CIBAR1: variants seen among roughly 807,000 people sequenced by gnomAD.
CIBAR1 encodes the protein CBY1-interacting BAR domain-containing protein 1.
Under a neutral mutation model 44.0 loss-of-function variants are expected in CIBAR1, and 25 were observed. The observed-to-expected ratio is 0.57, with a 90% CI of 0.41 to 0.79. CIBAR1 has a LOEUF of 0.79. CIBAR1 is among the 30% of genes least tolerant of loss of function. The pLI, the probability that CIBAR1 is intolerant of heterozygous loss-of-function variation, is 0.00. For missense variants in CIBAR1, 278 were observed against 344.8 expected (o/e 0.81, Z 1.53); for synonymous variants, 115 against 119.0 (o/e 0.97, Z 0.22).
chr8:93,728,127 A>T, intron 8 of CIBAR1, 78 bp from the exon 9 acceptor site: 1 of 793,780 alleles, frequency 1.3e-6, no homozygotes, highest in Non-Finnish European at 1.9e-6. Context: ...GCCCTTTAAT[A>T]GCATAAAAAT....
intron 2 of CIBAR1, chr8:93,702,550 A>ACAAAAAGGTAGGC: frequency 2.2e-6 from 1 of 455,958 alleles, no homozygotes; most frequent in Non-Finnish European, 4.4e-6. Flanking sequence ...AAAGGTAGGC[A>ACAAAAAGGTAGGC]ACAAAAAGGA....
chr8:93,722,837 T>A (rs1311945708), intron 7 of CIBAR1, among the ~76,000 whole-genome samples: 1 of 152,244 alleles, frequency 6.6e-6, no homozygotes, highest in African/African-American at 2.4e-5. Context: ...AAAATGTTAA[T>A]TGTAATAAAT....
rs1280728504 is a variant in CIBAR1, at chr8:93,730,176, A to G, written c.*1879A>G. The G allele has an allele frequency of 2.0e-5, 3 of 152,248 alleles. No individual in the cohort carries two copies. Among genetic ancestry groups the G allele is most frequent in the Non-Finnish European group, 2.9e-5 (2 of 68,032 alleles). The allele number at this position is 152,248 out of a possible 1,614,324, so 9.4% of individuals were successfully genotyped here. On this transcript the variant is annotated 3_prime_UTR_variant, in exon 9 of 9. Transcript: ENST00000518322. ...GAATTAAATGATAGTTAATTCATAC[A>G]TAATTATACATCATATAGTATCTAA...
chr8:93,723,417 A>G (rs1207264052), intron 7 of CIBAR1, among the ~76,000 whole-genome samples: 1 of 152,110 alleles, frequency 6.6e-6, no homozygotes, highest in Non-Finnish European at 1.5e-5. Flanking sequence ...TTAAAACACA[A>G]GTCTCACCTC....
At chr8:93,726,714 A>G in intron 8 of CIBAR1, 1 of 570,132 alleles carries the variant, frequency 1.8e-6, no homozygotes, top group Non-Finnish European at 3.0e-6. Flanking sequence ...GTAATTACAT[A>G]TTACTCTCTA....
rs1398509971 is a variant in CIBAR1 at position 93,731,297 on chromosome 8, C to G, written c.*3000C>G. ...CGTTAAGCTTCATCTTAGCTTTATTCCTTTGTATCTGAGAAGCATTTTTTA... is the reference window on the plus strand; with the variant it reads ...CGTTAAGCTTCATCTTAGCTTTATTGCTTTGTATCTGAGAAGCATTTTTTA... On this transcript the variant is annotated 3_prime_UTR_variant, in exon 9 of 9. Coordinates refer to ENST00000518322, the MANE Select transcript of CIBAR1 (RefSeq NM_145269.5). 1.3e-5 allele frequency: 2 copies of G among 152,170 alleles called. No homozygotes were observed. Among genetic ancestry groups the G allele is most frequent in the East Asian group, 3.8e-4 (2 of 5,206 alleles). 9.4% of individuals were successfully genotyped at this position (152,170 alleles called of 1,614,324 possible).
chr8:93,720,388 A>G (rs904972082), intron 7 of CIBAR1, among the ~76,000 whole-genome samples: 1 of 152,186 alleles, frequency 6.6e-6, no homozygotes, highest in Non-Finnish European at 1.5e-5. Context: ...GGTTAAAGAG[A>G]ATGAAGAAAG....
rs1810737541 is a variant in CIBAR1 at position 93,709,564 on chromosome 8, A to G, written c.439-207A>G. 4 of 470,400 alleles carry G rather than the reference A, an allele frequency of 8.5e-6. No homozygotes were observed. The East Asian group carries it at 1.1e-4, about 14-fold the overall frequency. The allele number at this position is 470,400 out of a possible 1,614,324, so 29.1% of individuals were successfully genotyped here. On this transcript the variant is annotated intron_variant, in intron 5 of 8. Coordinates refer to ENST00000518322, the MANE Select transcript of CIBAR1 (RefSeq NM_145269.5). ...TTTGTTCTTAGGGTTTTTTTTCTAG[A>G]TCATGAATCATATCACTAAATAAAG...
intron 6 of CIBAR1, among the ~76,000 whole-genome samples, chr8:93,712,375 T>C (rs2130325634): frequency 6.6e-6 from 1 of 152,352 alleles, no homozygotes; most frequent in East Asian, 1.9e-4. Flanking sequence ...GTAGGATGTA[T>C]CAGTACTTCA....
At chr8:93,701,039 A>G (rs1810324651) in intron 1 of CIBAR1, 185 bp from the exon 2 acceptor site, 1 of 1,446,658 alleles carries the variant, frequency 6.9e-7, no homozygotes, top group Non-Finnish European at 9.1e-7. Flanking sequence ...TCCTGTGCCT[A>G]CACAGTCCGG....
At chr8:93,717,578 A>G (rs1424386239) in intron 6 of CIBAR1, among the ~76,000 whole-genome samples, 2 of 152,096 alleles carry the variant, frequency 1.3e-5, no homozygotes, top group African/African-American at 4.8e-5. Flanking sequence ...TTTTCCAATC[A>G]TCTAGGAAGA....
chr8:93,712,747 G>A (rs186625524), intron 6 of CIBAR1, among the ~76,000 whole-genome samples: 2 of 150,180 alleles, frequency 1.3e-5, no homozygotes, highest in South Asian at 2.1e-4. Context: ...TGGATTTGAA[G>A]TAGTAGTTTT....
At chr8:93,723,995 G>A (rs1811373428) in intron 7 of CIBAR1, among the ~76,000 whole-genome samples, 1 of 152,198 alleles carries the variant, frequency 6.6e-6, no homozygotes, top group Non-Finnish European at 1.5e-5. Context: ...ATTACGGGAG[G>A]CTGAAGCAGG....
In CIBAR1 at chr8:93,704,976, C is replaced by T; in HGVS notation, c.398C>T (p.Thr133Ile). 1.9e-6 allele frequency: 3 copies of T among 1,612,994 alleles called. No homozygotes were observed. The highest frequency in any genetic ancestry group is 1.3e-5 in the African/African-American group (1 of 75,002). The change falls in exon 4 of 9, where the codon ACA becomes ATA. Residue 133 changes from threonine (T) to isoleucine (I), a missense_variant. Physicochemically the swap from Thr to Ile is moderately conservative, Grantham distance 89 (BLOSUM62 -1). Coordinates refer to ENST00000518322, the MANE Select transcript of CIBAR1 (RefSeq NM_145269.5). ...EAKQLTQLER[T>I]RQRNPSDRHV... ...AAGCAATTAACTCAGTTAGAAAGAA[C>T]ACGTCAGCGAAACCCATCTGATCGA...
At chr8:93,726,281 T>C in intron 7 of CIBAR1, 113 bp from the exon 8 acceptor site, 1 of 871,166 alleles carries the variant, frequency 1.1e-6, no homozygotes, top group Non-Finnish European at 1.7e-6. Flanking sequence ...TGGAATTTTG[T>C]CCATTTGGGG....
At chr8:93,713,305 T>C (rs1810906277) in intron 6 of CIBAR1, among the ~76,000 whole-genome samples, 1 of 152,190 alleles carries the variant, frequency 6.6e-6, no homozygotes, top group Non-Finnish European at 1.5e-5. Flanking sequence ...AGCTCTGGGA[T>C]TACAGGCGTG....
chr8:93,709,847 T>C lies in CIBAR1; in HGVS notation c.515T>C (p.Phe172Ser). 1 of 1,612,448 alleles carries C rather than the reference T, an allele frequency of 6.2e-7. No individual in the cohort carries two copies. Among genetic ancestry groups the C allele is most frequent in the Non-Finnish European group, 8.5e-7 (1 of 1,179,356 alleles). The change falls in exon 6 of 9, where the codon TTT becomes TCT. Residue 172 changes from phenylalanine (F) to serine (S), a missense_variant. Phe to Ser is a radical substitution (Grantham distance 155, BLOSUM62 -2). This residue lies in a region of CIBAR1 where 183 missense variants were observed against 218.6 expected (regional missense o/e 0.84). Coordinates refer to ENST00000518322, the MANE Select transcript of CIBAR1 (RefSeq NM_145269.5). ...CATCTGGAGGAAACTATTAACAACT[T>C]TGAAAGGCAGAAAATGAAGGATATA... ...SRHLEETINN[F>S]ERQKMKDIKT...
Position 93,728,331 on chromosome 8 carries a change from G to T in CIBAR1, c.*34G>T. On this transcript the variant is annotated 3_prime_UTR_variant, in exon 9 of 9. Coordinates refer to ENST00000518322, the MANE Select transcript of CIBAR1 (RefSeq NM_145269.5). Reference sequence around the variant, plus strand: ...TTTCCATTTTCATCATAAATGACTTGAAATCCACAATGACTAAATTGTAGA... The same window carrying T: ...TTTCCATTTTCATCATAAATGACTTTAAATCCACAATGACTAAATTGTAGA... 1 of 1,372,458 alleles carries T rather than the reference G, an allele frequency of 7.3e-7. No individual in the cohort carries two copies. Among genetic ancestry groups the T allele is most frequent in the South Asian group, 1.3e-5 (1 of 78,412 alleles). 85.0% of individuals were successfully genotyped at this position (1,372,458 alleles called of 1,614,324 possible).
chr8:93,702,469 T>C (rs1471503311), intron 2 of CIBAR1: 2 of 452,050 alleles, frequency 4.4e-6, no homozygotes, highest in African/African-American at 4.0e-5. Context: ...GCAAAGTGAA[T>C]TGATTTGCAT....
Sources: allele counts gnomAD v4.1 joint callset (sites outside exome capture counted in the v4.1 genomes callset), GRCh38; gene constraint gnomAD v4.1.1; regional missense constraint gnomAD v4.1.1; transcripts MANE v1.5; gene names NCBI Gene and HGNC (gene_info 2026-07-23, HGNC 2026-07-21).